The following CACNG2 variants were observed in gnomAD, a reference collection of about 807,000 sequenced individuals.
CACNG2 encodes voltage-dependent calcium channel gamma-2 subunit.
CACNG2 carries 3 observed loss-of-function variants against 25.9 expected under a neutral mutation model. That is an observed-to-expected ratio of 0.12 (90% CI 0.05 to 0.30). CACNG2 has a LOEUF of 0.30. Among genes scored for constraint, CACNG2 ranks in the 10% least tolerant of loss-of-function variants. The probability of loss-of-function intolerance (pLI) is 1.00; values close to 1 mark genes in which losing one functional copy is unlikely to be tolerated. For missense variants in CACNG2, 341 were observed against 432.5 expected, an observed-to-expected ratio of 0.79 and a Z score of 1.88; for synonymous variants, 167 against 173.3, an observed-to-expected ratio of 0.96 and a Z score of 0.29.
chr22:36,620,741 G>C (rs1377423893), intron 1 of CACNG2, among the ~76,000 whole-genome samples: 1 of 152,206 alleles, frequency 6.6e-6, no homozygotes, highest in Non-Finnish European at 1.5e-5. Flanking sequence ...TGACCACGGG[G>C]CCTTGCGTCA....
chr22:36,569,663 C>T (rs935003879), intron 2 of CACNG2, among the ~76,000 whole-genome samples: 2 of 152,200 alleles, frequency 1.3e-5, no homozygotes, highest in East Asian at 3.8e-4. Context: ...CCTCAGCCTC[C>T]CAAGTAGCTG....
Position 36,564,454 on chromosome 22 carries a change from G to A in CACNG2, c.869C>T (p.Ser290Phe). The change falls in exon 4 of 4, where the codon TCC becomes TTC. Residue 290 changes from serine to phenylalanine, a missense_variant. Ser to Phe is a radical substitution (Grantham distance 155). Around this residue, in one of 2 missense-constraint regions of CACNG2, gnomAD observed 172 missense variants for 178.1 expected, o/e 0.97. Transcript: ENST00000300105. This position sits in a 1 kb window ranked among gnomAD's most constrained non-coding sequence, Gnocchi z 6.7. ...AATTPTATYN[S>F]DRDNSFLQVH... is the part of the protein sequence containing the mutation. Reference sequence around the variant, plus strand: ...CTGGAGGAAGCTGTTATCCCTGTCGGAGTTGTAGGTGGCGGTGGGCGTGGT... The same window carrying A: ...CTGGAGGAAGCTGTTATCCCTGTCGAAGTTGTAGGTGGCGGTGGGCGTGGT... 1 of 1,614,128 alleles carries A rather than the reference G, an allele frequency of 6.2e-7. No homozygotes were observed. The highest frequency in any genetic ancestry group is 8.5e-7 in the Non-Finnish European group (1 of 1,179,992).
At chr22:36,676,432 G>A (rs759034540) in intron 1 of CACNG2, among the ~76,000 whole-genome samples, 20 of 152,078 alleles carry the variant, frequency 1.3e-4, no homozygotes, top group African/African-American at 3.1e-4. Context: ...CACATAGCCC[G>A]GTACAGGATC....
chr22:36,622,703 A>C (rs552579437), intron 1 of CACNG2, among the ~76,000 whole-genome samples: 1 of 152,292 alleles, frequency 6.6e-6, no homozygotes, highest in East Asian at 1.9e-4. Context: ...TCACGCCTGT[A>C]ATCCCAGCAC....
At chr22:36,620,586 C>A (rs1936091261) in intron 1 of CACNG2, among the ~76,000 whole-genome samples, 1 of 152,244 alleles carries the variant, frequency 6.6e-6, no homozygotes, top group African/African-American at 2.4e-5. Context: ...TGAATTCCAG[C>A]AATATTATTG....
At chr22:36,600,817 G>A (rs1045611445) in intron 1 of CACNG2, among the ~76,000 whole-genome samples, 5 of 152,146 alleles carry the variant, frequency 3.3e-5, no homozygotes, top group Non-Finnish European at 7.3e-5. Flanking sequence ...TAAGTGCTGA[G>A]ATTATAGGCA....
chr22:36,677,228 T>A (rs1430951448), intron 1 of CACNG2, among the ~76,000 whole-genome samples: 1 of 152,154 alleles, frequency 6.6e-6, no homozygotes, highest in African/African-American at 2.4e-5. Context: ...ATCTGCAAGA[T>A]CCTTCTGCAT....
intron 1 of CACNG2, among the ~76,000 whole-genome samples, chr22:36,688,453 T>C (rs1385661923): frequency 6.6e-6 from 1 of 151,230 alleles, no homozygotes; most frequent in Admixed American, 6.6e-5. Flanking sequence ...GGTGGGAGGA[T>C]TGCTTGAACC....
At chr22:36,693,701 A>G (rs1021823371) in intron 1 of CACNG2, among the ~76,000 whole-genome samples, 29 of 152,182 alleles carry the variant, frequency 1.9e-4, no homozygotes, top group African/African-American at 6.5e-4. Context: ...GGCATTGCCA[A>G]TGCCCAACAT....
At chr22:36,610,511 T>G (rs538715233) in intron 1 of CACNG2, among the ~76,000 whole-genome samples, 1 of 152,276 alleles carries the variant, frequency 6.6e-6, no homozygotes, top group South Asian at 2.1e-4. Context: ...ATTGACTAAT[T>G]GAATAAAAAC....
chr22:36,699,075 G>A (rs1336522684), intron 1 of CACNG2, among the ~76,000 whole-genome samples: 1 of 152,014 alleles, frequency 6.6e-6, no homozygotes, highest in Non-Finnish European at 1.5e-5. Context: ...TCTCTGAGAG[G>A]GCCAATTCAT....
intron 1 of CACNG2, among the ~76,000 whole-genome samples, chr22:36,609,869 G>T (rs939014618): frequency 2.3e-5 from 3 of 130,592 alleles, no homozygotes; most frequent in Admixed American, 1.6e-4. Context: ...AATCAGCCCC[G>T]CAAACCATGA....
intron 2 of CACNG2, among the ~76,000 whole-genome samples, chr22:36,571,868 T>C (rs910104703): frequency 6.7e-6 from 1 of 148,316 alleles, no homozygotes; most frequent in Non-Finnish European, 1.5e-5. Flanking sequence ...CACAGCAAGA[T>C]TCTGTCTCAA....
At chr22:36,567,080 T>C (rs1171239996) in intron 2 of CACNG2, among the ~76,000 whole-genome samples, 2 of 152,208 alleles carry the variant, frequency 1.3e-5, no homozygotes, top group Non-Finnish European at 2.9e-5. Context: ...TGAGTCTGGC[T>C]GCAGCATTTA....
chr22:36,692,657 G>C (rs1226525831), intron 1 of CACNG2, among the ~76,000 whole-genome samples: 2 of 152,196 alleles, frequency 1.3e-5, no homozygotes, highest in African/African-American at 4.8e-5. Context: ...GCAACTCCCA[G>C]AGGCCAGGCC....
chr22:36,574,620 A>C (rs916140343), intron 2 of CACNG2, among the ~76,000 whole-genome samples: 1 of 152,012 alleles, frequency 6.6e-6, no homozygotes, highest in Non-Finnish European at 1.5e-5. Flanking sequence ...ATCTCTACTA[A>C]AAAAATACAA....
intron 1 of CACNG2, among the ~76,000 whole-genome samples, chr22:36,626,177 C>A (rs1390116927): frequency 1.3e-5 from 2 of 152,230 alleles, no homozygotes; most frequent in African/African-American, 2.4e-5. Flanking sequence ...GCCTGGGCCT[C>A]CCAAAGTGCT....
intron 1 of CACNG2, among the ~76,000 whole-genome samples, chr22:36,587,931 C>A (rs1935530787): frequency 6.6e-6 from 1 of 152,230 alleles, no homozygotes; most frequent in Non-Finnish European, 1.5e-5. Flanking sequence ...CTGCATTTTA[C>A]ATGTGAGAAA....
intron 2 of CACNG2, among the ~76,000 whole-genome samples, chr22:36,587,157 T>A (rs780863592): frequency 4.6e-5 from 7 of 152,054 alleles, no homozygotes; most frequent in Non-Finnish European, 1.0e-4. Context: ...TACAGCATGA[T>A]AAAGTACCGT....
Sources: gnomAD v4.1 joint callset for allele counts (sites outside exome capture counted in the v4.1 genomes callset) on GRCh38, gnomAD v4.1.1 for gene constraint, gnomAD v4.1.1 regional missense constraint, Gnocchi (gnomAD v3.1) non-coding constraint, MANE v1.5 for transcripts, NCBI Gene and HGNC (gene_info 2026-07-23, HGNC 2026-07-21) for gene names.